The following SFXN1 variants were observed in gnomAD, a reference collection of about 807,000 sequenced individuals.
SFXN1 encodes the protein sideroflexin 1.
A neutral mutation model predicts 39.5 loss-of-function variants in SFXN1; 32 were observed. The ratio of observed to expected loss-of-function variants is 0.81; its 90% CI spans 0.61 to 1.09. The LOEUF (loss-of-function observed/expected upper bound fraction) is 1.09. SFXN1 is among the 50% of genes least tolerant of loss of function. SFXN1 has a pLI of 0.00. For synonymous variants in SFXN1, 136 were observed against 146.5 expected, an observed-to-expected ratio of 0.93 and a Z score of 0.52; for missense variants, 402 against 407.1, an observed-to-expected ratio of 0.99 and a Z score of 0.11.
At chr5:175,479,230 C>T (rs1759142245) in intron 1 of SFXN1, among the ~76,000 whole-genome samples, 1 of 152,240 alleles carries the variant, frequency 6.6e-6, no homozygotes, top group Non-Finnish European at 1.5e-5. Context: ...TCACGTCTGT[C>T]ACAGGTCTCT....
chr5:175,492,737 A>G (rs373115758), intron 2 of SFXN1, among the ~76,000 whole-genome samples: 4 of 152,202 alleles, frequency 2.6e-5, no homozygotes, highest in South Asian at 4.2e-4. Flanking sequence ...GCTGGTGGCA[A>G]TGCCTACAGG....
intron 2 of SFXN1, among the ~76,000 whole-genome samples, chr5:175,503,972 T>C (rs2644665): frequency 0.056 from 7,442 of 133,376 alleles, 654 homozygotes; most frequent in African/African-American, 0.2. Flanking sequence ...CATTGCACTC[T>C]AGCTTGGGAA....
At chr5:175,479,027 G>GTGGCCCAGTGCC (rs1167444396) in intron 1 of SFXN1, among the ~76,000 whole-genome samples, 85 of 152,346 alleles carry the variant, frequency 5.6e-4, no homozygotes, top group African/African-American at 1.9e-3. Context: ...CGGCAGCCAG[G>GTGGCCCAGTGCC]TGGCCCAGTG....
chr5:175,496,712 G>T (rs764300535), intron 2 of SFXN1, among the ~76,000 whole-genome samples: 4 of 152,132 alleles, frequency 2.6e-5, no homozygotes, highest in Non-Finnish European at 5.9e-5. Context: ...CCTGAAGCTT[G>T]CATGATGTAA....
At chr5:175,498,681 C>T (rs529527571) in intron 2 of SFXN1, among the ~76,000 whole-genome samples, 2 of 152,080 alleles carry the variant, frequency 1.3e-5, no homozygotes, top group African/African-American at 4.8e-5. Context: ...AGCTACCTAA[C>T]AGAGAAATAG....
intron 8 of SFXN1, 81 bp downstream of exon 8, chr5:175,516,744 T>TA: frequency 7.0e-7 from 1 of 1,431,324 alleles, no homozygotes; most frequent in Non-Finnish European, 9.6e-7. Flanking sequence ...ATTTGCTACC[T>TA]AAACAGTAAA....
intron 1 of SFXN1, chr5:175,483,769 C>T (rs983787075): frequency 6.6e-6 from 1 of 152,426 alleles, no homozygotes; most frequent in African/African-American, 2.4e-5. Flanking sequence ...GCCTGCTCCC[C>T]TGTCTCCTAG....
chr5:175,482,423 G>T (rs1288818389), intron 1 of SFXN1, among the ~76,000 whole-genome samples: 5 of 152,116 alleles, frequency 3.3e-5, no homozygotes, highest in African/African-American at 1.2e-4. Flanking sequence ...TTCTCCAGCA[G>T]TTAAGCATTT....
intron 1 of SFXN1, among the ~76,000 whole-genome samples, chr5:175,479,765 C>G (rs1004287941): frequency 6.6e-6 from 1 of 152,314 alleles, no homozygotes; most frequent in Middle Eastern, 3.4e-3. Context: ...GCTCCGTAGG[C>G]AACTCTTTTC....
chr5:175,512,223 G>A lies in SFXN1; in HGVS notation c.596+27G>A, dbSNP rs3733999. 1,010 of 1,589,182 alleles carry A rather than the reference G, an allele frequency of 6.4e-4. 9 individuals carry two copies. In the East Asian group the frequency reaches 0.017, roughly 27 times the overall value. ...TAAGACGAATATGCACTCTTAGTAG[G>A]GACATGTGCTTGACAGGAGAGTCTC... is the stretch of plus-strand genomic sequence containing the variant. On this transcript the variant is annotated intron_variant, in intron 6 of 10. Coordinates refer to ENST00000321442, the MANE Select transcript of SFXN1 (RefSeq NM_022754.7).
At chr5:175,494,667 G>A (rs780926573) in intron 2 of SFXN1, among the ~76,000 whole-genome samples, 9 of 151,718 alleles carry the variant, frequency 5.9e-5, no homozygotes, top group East Asian at 3.8e-4. Flanking sequence ...CAGGAGAACC[G>A]CTTGAACCTG....
chr5:175,500,402 CAACA>C (rs1291418131), intron 2 of SFXN1, among the ~76,000 whole-genome samples: 15 of 75,828 alleles, frequency 2.0e-4, no homozygotes, highest in African/African-American at 7.5e-4. Flanking sequence ...GCCTGTACAC[CAACA>C]CACACACACA....
At chr5:175,502,861 T>TAAAA (rs1554100914) in intron 2 of SFXN1, among the ~76,000 whole-genome samples, 1 of 151,090 alleles carries the variant, frequency 6.6e-6, no homozygotes, top group Non-Finnish European at 1.5e-5. Flanking sequence ...ATAATAATAA[T>TAAAA]AATAAATAAA....
chr5:175,486,015 G>A (rs965540131), intron 1 of SFXN1, among the ~76,000 whole-genome samples: 5 of 152,146 alleles, frequency 3.3e-5, no homozygotes, highest in African/African-American at 1.2e-4. Context: ...AAATTCTTAA[G>A]ATGTTAGGGT....
chr5:175,510,318 A>G, intron 4 of SFXN1, 111 bp downstream of exon 4: 2 of 847,898 alleles, frequency 2.4e-6, no homozygotes, highest in South Asian at 3.3e-5. Flanking sequence ...TATATTGTTC[A>G]GAATATTATG....
At chr5:175,498,453 C>T (rs781415088) in intron 2 of SFXN1, among the ~76,000 whole-genome samples, 15 of 152,114 alleles carry the variant, frequency 9.9e-5, no homozygotes, top group African/African-American at 1.7e-4. Flanking sequence ...AAAATCCAGA[C>T]GATCTGACCG....
intron 10 of SFXN1, 57 bp from the exon 11 acceptor site, chr5:175,526,581 G>A: frequency 2.1e-6 from 3 of 1,425,580 alleles, no homozygotes; most frequent in Non-Finnish European, 3.0e-6. Context: ...GCTCTTTCTA[G>A]GTCCTGATTC....
chr5:175,513,805 C>T (rs765003451), intron 7 of SFXN1: 15 of 436,954 alleles, frequency 3.4e-5, no homozygotes, highest in South Asian at 1.8e-4. Context: ...GTAGGGCAGC[C>T]GGGGAAGAGC....
intron 1 of SFXN1, among the ~76,000 whole-genome samples, chr5:175,479,361 GA>G (rs2113241046): frequency 6.6e-6 from 1 of 152,242 alleles, no homozygotes; most frequent in African/African-American, 2.4e-5. Flanking sequence ...ATCCACATGA[GA>G]AAACTGGGGC....
Sources: allele counts gnomAD v4.1 joint callset (sites outside exome capture counted in the v4.1 genomes callset), GRCh38; gene constraint gnomAD v4.1.1; transcripts MANE v1.5; gene names NCBI Gene and HGNC (gene_info 2026-07-23, HGNC 2026-07-21).